PMS1: variants seen among roughly 807,000 people sequenced by gnomAD.
PMS1 encodes PMS1 protein homolog 1.
Under a neutral mutation model 93.1 loss-of-function variants are expected in PMS1, and 79 were observed. The observed-to-expected ratio is 0.85, with a 90% CI of 0.71 to 1.02. The LOEUF (loss-of-function observed/expected upper bound fraction) is 1.02, where lower values mean the gene tolerates loss of function less well. PMS1 is among the 50% of genes least tolerant of loss of function. PMS1 has a pLI of 0.00. For missense variants in PMS1, 1,064 were observed against 1,085.3 expected (o/e 0.98, Z 0.28); for synonymous variants, 335 against 363.4 (o/e 0.92, Z 0.89).
intron 9 of PMS1, among the ~76,000 whole-genome samples, chr2:189,861,664 G>A (rs181950775): frequency 2.0e-5 from 3 of 151,018 alleles, no homozygotes; most frequent in Non-Finnish European, 3.0e-5. Context: ...CAGGAAAATC[G>A]CTTAGAACCT....
intron 4 of PMS1, among the ~76,000 whole-genome samples, chr2:189,810,863 A>G (rs910950625): frequency 8.5e-5 from 13 of 152,072 alleles, no homozygotes; most frequent in Non-Finnish European, 1.3e-4. Context: ...TTTATATTCA[A>G]TGTTTAGCAA....
chr2:189,831,917 G>T (rs1346870910), intron 5 of PMS1, among the ~76,000 whole-genome samples: 1 of 152,104 alleles, frequency 6.6e-6, no homozygotes, highest in Non-Finnish European at 1.5e-5. Flanking sequence ...TTTTAGTAGA[G>T]ATGGGGTTTC....
chr2:189,809,727 C>G (rs1197369291), intron 4 of PMS1, among the ~76,000 whole-genome samples: 1 of 151,854 alleles, frequency 6.6e-6, no homozygotes, highest in Non-Finnish European at 1.5e-5. Flanking sequence ...CACCTGTAAT[C>G]CCACTGAGGC....
intron 6 of PMS1, among the ~76,000 whole-genome samples, chr2:189,850,898 A>G (rs1360043301): frequency 2.0e-5 from 3 of 152,152 alleles, no homozygotes; most frequent in Admixed American, 6.6e-5. Context: ...TTAGAGATGA[A>G]GGGAAGAGAG....
At chr2:189,837,285 C>T (rs983108870) in intron 5 of PMS1, among the ~76,000 whole-genome samples, 1 of 151,676 alleles carries the variant, frequency 6.6e-6, no homozygotes, top group Non-Finnish European at 1.5e-5. Flanking sequence ...GCCACCATGC[C>T]CAGCTAATTT....
chr2:189,842,624 T>A (rs936315582), intron 5 of PMS1, among the ~76,000 whole-genome samples: 1 of 152,166 alleles, frequency 6.6e-6, no homozygotes, highest in Admixed American at 6.5e-5. Flanking sequence ...TGAACCAGTG[T>A]TGAGGACAGC....
intron 2 of PMS1, 97 bp downstream of exon 2, chr2:189,792,038 C>T (rs2048914552): frequency 1.9e-6 from 2 of 1,057,038 alleles, no homozygotes; most frequent in Non-Finnish European, 2.8e-6. Flanking sequence ...TATTTCTTTA[C>T]ACCAATAAAT....
intron 9 of PMS1, among the ~76,000 whole-genome samples, chr2:189,860,281 G>T (rs941572219): frequency 2.0e-5 from 3 of 152,100 alleles, no homozygotes; most frequent in African/African-American, 7.2e-5. Flanking sequence ...ACACTAGTTT[G>T]GTTTTGCCAG....
intron 5 of PMS1, among the ~76,000 whole-genome samples, chr2:189,822,238 C>G (rs375795357): frequency 1.1e-4 from 17 of 152,178 alleles, no homozygotes; most frequent in African/African-American, 3.6e-4. Context: ...GGGGAGAGTC[C>G]GATGCGCCTG....
intron 12 of PMS1, among the ~76,000 whole-genome samples, chr2:189,874,415 TTC>T (rs1469577607): frequency 6.6e-6 from 1 of 152,198 alleles, no homozygotes; most frequent in African/African-American, 2.4e-5. Context: ...AGCGGAAATT[TTC>T]ATTTTTGTGA....
At chr2:189,803,930 G>T (rs992545011) in intron 3 of PMS1, among the ~76,000 whole-genome samples, 1 of 152,052 alleles carries the variant, frequency 6.6e-6, no homozygotes, top group Non-Finnish European at 1.5e-5. Context: ...GAGCACTAAG[G>T]TCTTATTTTG....
intron 6 of PMS1, among the ~76,000 whole-genome samples, chr2:189,847,064 G>A (rs2054314051): frequency 6.6e-6 from 1 of 151,890 alleles, no homozygotes; most frequent in Admixed American, 6.6e-5. Flanking sequence ...GTTTCACCAT[G>A]TTGAACAGGC....
intron 5 of PMS1, among the ~76,000 whole-genome samples, chr2:189,830,206 C>CA (rs1436396666): frequency 6.6e-6 from 1 of 152,156 alleles, no homozygotes; most frequent in Non-Finnish European, 1.5e-5. Context: ...ACTTTATTTA[C>CA]AAAAACAGGA....
intron 5 of PMS1, among the ~76,000 whole-genome samples, chr2:189,821,456 CAAAA>C (rs779436688): frequency 4.3e-5 from 4 of 91,990 alleles, no homozygotes; most frequent in Middle Eastern, 7.0e-3. Flanking sequence ...GACTCCGTCT[CAAAA>C]AAAAAAAAAA....
intron 12 of PMS1, among the ~76,000 whole-genome samples, chr2:189,877,012 A>G (rs986727024): frequency 2.0e-5 from 3 of 152,042 alleles, no homozygotes; most frequent in Non-Finnish European, 4.4e-5. Context: ...TTTACGCATT[A>G]TTTATTGACT....
intron 4 of PMS1, among the ~76,000 whole-genome samples, chr2:189,815,581 C>A (rs1255627385): frequency 6.6e-6 from 1 of 152,174 alleles, no homozygotes; most frequent in Non-Finnish European, 1.5e-5. Flanking sequence ...CTTCCCCTTC[C>A]GCCATGAATG....
intron 1 of PMS1, among the ~76,000 whole-genome samples, chr2:189,786,552 A>G (rs937046064): frequency 6.6e-6 from 1 of 152,166 alleles, no homozygotes; most frequent in Non-Finnish European, 1.5e-5. Flanking sequence ...GTTTGAGAGC[A>G]TGGCCTTTGG....
At chr2:189,860,545 C>T (rs79868280) in intron 9 of PMS1, among the ~76,000 whole-genome samples, 3,956 of 151,978 alleles carry the variant, frequency 0.026, 74 homozygotes, top group Non-Finnish European at 0.041. Flanking sequence ...TGTTTACTTT[C>T]CAAATATTTG....
At chr2:189,805,337 G>A (rs963538207) in intron 3 of PMS1, among the ~76,000 whole-genome samples, 1 of 152,122 alleles carries the variant, frequency 6.6e-6, no homozygotes, top group Non-Finnish European at 1.5e-5. Context: ...TACAGTTGAA[G>A]TACTTGCTTT....
Sources: gnomAD v4.1 joint callset for allele counts (sites outside exome capture counted in the v4.1 genomes callset) on GRCh38, gnomAD v4.1.1 for gene constraint, MANE v1.5 for transcripts, NCBI Gene and HGNC (gene_info 2026-07-23, HGNC 2026-07-21) for gene names.